Variants in JAZF1 observed in about 807,000 individuals in gnomAD.
The protein encoded by JAZF1 is juxtaposed with another zinc finger protein 1.
Under a neutral mutation model 26.4 loss-of-function variants are expected in JAZF1, and 8 were observed. The ratio of observed to expected loss-of-function variants is 0.30; its 90% CI spans 0.18 to 0.55. JAZF1 has a LOEUF of 0.55. JAZF1 is among the 20% of genes least tolerant of loss of function. JAZF1 has a pLI of 0.94. For missense variants in JAZF1, 199 were observed against 322.0 expected (o/e 0.62, Z 2.92); for synonymous variants, 126 against 122.3 (o/e 1.03, Z -0.20).
intron 1 of JAZF1, among the ~76,000 whole-genome samples, chr7:28,082,205 CA>C (rs1409199729): frequency 1.4e-4 from 22 of 152,244 alleles, no homozygotes; most frequent in Middle Eastern, 3.4e-3. Context: ...ATTTCTCAGA[CA>C]AATCATGCCA....
chr7:27,962,152 T>C (rs920584665), intron 2 of JAZF1, among the ~76,000 whole-genome samples: 3 of 152,204 alleles, frequency 2.0e-5, no homozygotes, highest in African/African-American at 7.2e-5. Flanking sequence ...TTCACTGCAG[T>C]ATGGATATTC....
chr7:27,970,180 C>T (rs79909443), intron 2 of JAZF1, among the ~76,000 whole-genome samples: 2,096 of 152,308 alleles, frequency 0.014, 34 homozygotes, highest in Non-Finnish European at 0.022. Context: ...TCTGCTATGA[C>T]TTACCACACA....
intron 1 of JAZF1, among the ~76,000 whole-genome samples, chr7:28,060,921 T>A (rs1219820300): frequency 1.3e-5 from 2 of 152,190 alleles, no homozygotes; most frequent in Non-Finnish European, 1.5e-5. Flanking sequence ...TCTTGTCACA[T>A]TGGCAGTACA....
chr7:27,977,734 C>T (rs935247949), intron 2 of JAZF1, among the ~76,000 whole-genome samples: 4 of 152,228 alleles, frequency 2.6e-5, no homozygotes, highest in African/African-American at 7.2e-5. Flanking sequence ...CACATACACA[C>T]ACAGGCAGAT....
rs551639651 is a variant in JAZF1 at position 27,833,818 on chromosome 7, T to C, written c.556-842A>G. 2.0e-5 allele frequency among the ~76,000 whole-genome samples: 3 copies of C among 152,304 alleles called. No homozygotes were observed. The South Asian group carries it at 6.2e-4, about 32-fold the overall frequency. ...ATTCCGTATTCTATGTAAGAGTCAC[T>C]CTCTACAGTTTTAACCACCAGTAAT... On this transcript the variant is annotated intron_variant, in intron 4 of 4. Transcript: ENST00000283928.
At chr7:27,839,161 A>G (rs915630968) in intron 4 of JAZF1, among the ~76,000 whole-genome samples, 1 of 152,204 alleles carries the variant, frequency 6.6e-6, no homozygotes, top group Non-Finnish European at 1.5e-5. Flanking sequence ...CCCAGGGCGT[A>G]GCTTGTATTT....
Position 28,145,974 on chromosome 7 carries a change from T to C in JAZF1, c.115+34489A>G, listed in dbSNP as rs193126913. Among the ~76,000 whole-genome samples the C allele has an allele frequency of 1.7e-3, 252 of 152,364 alleles. 1 individual carries two copies. The highest frequency in any genetic ancestry group is 5.7e-3 in the African/African-American group (236 of 41,584). On this transcript the variant is annotated intron_variant, in intron 1 of 4. Transcript: ENST00000283928. ...TGAGGAGTTTGTTCCTTTTTATTGC[T>C]GAGTAGTATTCCATTTCTCCATGTC... is the stretch of plus-strand genomic sequence containing the variant.
At chr7:27,984,821 A>C (rs1158677432) in intron 2 of JAZF1, among the ~76,000 whole-genome samples, 1 of 152,242 alleles carries the variant, frequency 6.6e-6, no homozygotes, top group Non-Finnish European at 1.5e-5. Flanking sequence ...ACTCAACTAC[A>C]TGGAAACTGA....
chr7:28,047,976 A>G (rs576192233), intron 1 of JAZF1, among the ~76,000 whole-genome samples: 2 of 152,276 alleles, frequency 1.3e-5, no homozygotes, highest in Non-Finnish European at 2.9e-5. Flanking sequence ...GTCTTTCTCT[A>G]TGCTTTGGAG....
At chr7:28,021,753 T>A (rs1033847123) in intron 1 of JAZF1, among the ~76,000 whole-genome samples, 3 of 152,196 alleles carry the variant, frequency 2.0e-5, no homozygotes, top group African/African-American at 7.2e-5. Context: ...CCTGTTTATA[T>A]CCTCTCTCCC....
intron 3 of JAZF1, among the ~76,000 whole-genome samples, chr7:27,894,253 G>A (rs943002960): frequency 6.6e-6 from 1 of 152,156 alleles, no homozygotes; most frequent in Non-Finnish European, 1.5e-5. Flanking sequence ...GGCTGGTCTT[G>A]AAATCCTGGC....
intron 1 of JAZF1, among the ~76,000 whole-genome samples, chr7:28,167,916 T>C (rs148149061): frequency 6.6e-6 from 1 of 152,356 alleles, no homozygotes; most frequent in East Asian, 1.9e-4. Context: ...GATAGCTTCT[T>C]TGCAGGAAGC....
At chr7:27,873,795 G>A (rs1367954446) in intron 3 of JAZF1, among the ~76,000 whole-genome samples, 2 of 152,194 alleles carry the variant, frequency 1.3e-5, no homozygotes, top group Non-Finnish European at 2.9e-5. Flanking sequence ...GGGTCTTCGA[G>A]GAACAGCCAT....
chr7:28,146,840 GT>G (rs1282582776), intron 1 of JAZF1, among the ~76,000 whole-genome samples: 2 of 147,288 alleles, frequency 1.4e-5, no homozygotes, highest in Non-Finnish European at 3.0e-5. Flanking sequence ...TGCTTTTTTT[GT>G]TTCGTTTTGG....
chr7:28,071,137 G>A (rs988313049), intron 1 of JAZF1, among the ~76,000 whole-genome samples: 5 of 152,150 alleles, frequency 3.3e-5, no homozygotes, highest in African/African-American at 9.7e-5. Context: ...TGTGTGTAGC[G>A]AAATACTACA....
At chr7:28,105,335 T>A (rs1199333019) in intron 1 of JAZF1, among the ~76,000 whole-genome samples, 1 of 152,242 alleles carries the variant, frequency 6.6e-6, no homozygotes, top group African/African-American at 2.4e-5. Flanking sequence ...TACCTTTTAC[T>A]TACAAAACTA....
chr7:28,109,232 T>C (rs1784601196), intron 1 of JAZF1, among the ~76,000 whole-genome samples: 1 of 152,350 alleles, frequency 6.6e-6, no homozygotes, highest in South Asian at 2.1e-4. Flanking sequence ...CACACAAAGA[T>C]AACTATGTGA....
At chr7:27,839,717 C>T (rs1782885103) in intron 4 of JAZF1, among the ~76,000 whole-genome samples, 1 of 152,172 alleles carries the variant, frequency 6.6e-6, no homozygotes, top group Admixed American at 6.5e-5. Context: ...CTTTGTGATA[C>T]ATTTGTGTGC....
At chr7:27,926,524 C>A (rs1244524759) in intron 2 of JAZF1, among the ~76,000 whole-genome samples, 1 of 152,214 alleles carries the variant, frequency 6.6e-6, no homozygotes, top group Non-Finnish European at 1.5e-5. Flanking sequence ...CATACAGGTG[C>A]TCTACTAATT....
Sources: gnomAD v4.1 joint callset for allele counts (sites outside exome capture counted in the v4.1 genomes callset) on GRCh38, gnomAD v4.1.1 for gene constraint, MANE v1.5 for transcripts, NCBI Gene and HGNC (gene_info 2026-07-23, HGNC 2026-07-21) for gene names.